The following ANKRD30A variants were observed in gnomAD, a reference collection of about 807,000 sequenced individuals.
The protein encoded by ANKRD30A is ankyrin repeat domain-containing protein 30A.
Under a neutral mutation model 166.3 loss-of-function variants are expected in ANKRD30A, and 170 were observed. The ratio of observed to expected loss-of-function variants is 1.02; its 90% confidence interval spans 0.90 to 1.16. The LOEUF is 1.16. Among genes scored for constraint, ANKRD30A ranks in the 50% most tolerant of loss-of-function variants. The probability of loss-of-function intolerance (pLI) is 0.00; values close to 1 mark genes in which losing one functional copy is unlikely to be tolerated. For missense variants in ANKRD30A, 1,630 were observed against 1,518.0 expected (o/e 1.07, Z -1.23); for synonymous variants, 564 against 508.9 (o/e 1.11, Z -1.46).
At chr10:37,246,714 A>G in the ANKRD30A span, among the ~76,000 whole-genome samples, 1 of 152,182 alleles carries the variant, frequency 6.6e-6, no homozygotes, top group African/African-American at 2.4e-5. Flanking sequence ...AGTGGAAGAT[A>G]TAGAGGCATT....
intron 34 of ANKRD30A, among the ~76,000 whole-genome samples, chr10:37,229,274 G>A (rs1373102205): frequency 6.6e-6 from 1 of 151,860 alleles, no homozygotes; most frequent in Non-Finnish European, 1.5e-5. Flanking sequence ...AGTGAGGATG[G>A]TCAGGCCACA....
chr10:37,225,484 G>A (rs1227952629), intron 34 of ANKRD30A, among the ~76,000 whole-genome samples: 1 of 151,872 alleles, frequency 6.6e-6, no homozygotes, highest in African/African-American at 2.4e-5. Context: ...TTTAAAACCA[G>A]TCTACTTGAA....
intron 21 of ANKRD30A, among the ~76,000 whole-genome samples, chr10:37,171,801 T>C (rs1205181127): frequency 1.3e-5 from 2 of 150,246 alleles, no homozygotes; most frequent in Non-Finnish European, 3.0e-5. Context: ...CTGTGCTCTC[T>C]TTTTCCCTAG....
chr10:37,259,609 A>G, the ANKRD30A span, among the ~76,000 whole-genome samples: 1 of 152,254 alleles, frequency 6.6e-6, no homozygotes, highest in South Asian at 2.1e-4. Context: ...TCAATGGTAG[A>G]ATGGATGACT....
chr10:37,191,995 G>T lies in ANKRD30A; in HGVS notation c.2513-1069G>T, dbSNP rs538825846. Among the ~76,000 whole-genome samples, 70 of 152,086 alleles carry T rather than the reference G, an allele frequency of 4.6e-4. 1 individual carries two copies. The highest frequency in any genetic ancestry group is 1.6e-3 in the African/African-American group (66 of 41,466). On this transcript the variant is annotated intron_variant, in intron 25 of 35. Coordinates refer to ENST00000361713, the MANE Select transcript of ANKRD30A (RefSeq NM_052997.3). ...TATGCAGGTGAATGATATATAAAAA[G>T]CCTCTGGAAGTTTACTTCTAGTTTT...
chr10:37,157,308 T>C (rs1236409937), intron 13 of ANKRD30A, among the ~76,000 whole-genome samples: 2 of 152,238 alleles, frequency 1.3e-5, no homozygotes, highest in African/African-American at 2.4e-5. Flanking sequence ...AGCATTATTG[T>C]AACATTGAAA....
rs1366777838 is a variant in ANKRD30A, at chr10:37,220,029, A to ATATATATATATG, written c.4185+132_4185+133insTATATATATATG. ...TATATATATATATATATATATATAT[A>ATATATATATATG]ATATATGTATGTATAAATAGATGAT... On this transcript the variant is annotated intron_variant, in intron 34 of 35. Coordinates refer to ENST00000361713, the MANE Select transcript of ANKRD30A (RefSeq NM_052997.3). The ATATATATATATG allele has an allele frequency of 4.7e-3, 702 of 148,352 alleles. 20 individuals carry two copies. The highest frequency in any genetic ancestry group is 6.9e-3 in the Non-Finnish European group (560 of 81,056). 9.2% of individuals were successfully genotyped at this position (148,352 alleles called of 1,614,324 possible). A position where few individuals can be genotyped will look rare whatever the true frequency, so the allele number is the denominator to read the frequency against.
rs1837169670 is a variant in ANKRD30A, at chr10:37,141,996, G to T, written c.1099G>T (p.Glu367Ter). The T allele has an allele frequency of 1.2e-6, 2 of 1,614,114 alleles. No individual in the cohort carries two copies. The highest frequency in any genetic ancestry group is 4.5e-5 in the East Asian group (2 of 44,886). Residue 367 changes from glutamate to a stop codon, truncating the protein, a stop_gained, in exon 7 of 36, where the codon GAA (glutamate) becomes TAA (stop). Coordinates refer to ENST00000361713, the MANE Select transcript of ANKRD30A (RefSeq NM_052997.3). LOFTEE classifies it high-confidence loss of function. Reference sequence around the variant, plus strand: ...TAGGGAAATTACGAGTCCTGCAAAAGAAACATCTGAGAAATTTACGTGGCC... The same window carrying T: ...TAGGGAAATTACGAGTCCTGCAAAATAAACATCTGAGAAATTTACGTGGCC... ...TPREITSPAK[E>*]TSEKFTWPAK...
chr10:37,221,302 C>T (rs1205014247), intron 34 of ANKRD30A, among the ~76,000 whole-genome samples: 1 of 151,058 alleles, frequency 6.6e-6, no homozygotes. Flanking sequence ...TTTACAAAAT[C>T]AATAACAAAC....
At position 37,191,199 on chromosome 10, in the gene ANKRD30A, G is replaced by T. The variant is rs1840541460; in HGVS notation, c.2512+1642G>T. On this transcript the variant is annotated intron_variant, in intron 25 of 35. Coordinates refer to ENST00000361713, the MANE Select transcript of ANKRD30A (RefSeq NM_052997.3). ...ATTTGTACATCTTCCTCCATGAGTGGATTAAGAGATATTGAGATGAGTAAG... is the reference window on the plus strand; with the variant it reads ...ATTTGTACATCTTCCTCCATGAGTGTATTAAGAGATATTGAGATGAGTAAG... 2.6e-5 allele frequency among the ~76,000 whole-genome samples: 4 copies of T among 151,962 alleles called. 1 individual carries two copies. The highest frequency in any genetic ancestry group is 5.9e-5 in the Non-Finnish European group (4 of 68,004).
At chr10:37,205,936 A>G (rs1841963589) in intron 31 of ANKRD30A, among the ~76,000 whole-genome samples, 2 of 152,194 alleles carry the variant, frequency 1.3e-5, no homozygotes, top group African/African-American at 2.4e-5. Context: ...AAGAAGAGCA[A>G]TTGGATAGAA....
chr10:37,127,297 G>C (rs1209818852), intron 1 of ANKRD30A, among the ~76,000 whole-genome samples: 1 of 151,900 alleles, frequency 6.6e-6, no homozygotes, highest in Non-Finnish European at 1.5e-5. Flanking sequence ...ATGGAATATA[G>C]ATTAAAAGTT....
chr10:37,209,422 C>A (rs779889033), intron 31 of ANKRD30A, among the ~76,000 whole-genome samples: 1 of 152,002 alleles, frequency 6.6e-6, no homozygotes, highest in Non-Finnish European at 1.5e-5. Context: ...AGAGCAGGAG[C>A]AAGAGAGAGA....
chr10:37,202,703 G>GT (rs959267849), intron 31 of ANKRD30A, among the ~76,000 whole-genome samples: 6 of 152,100 alleles, frequency 3.9e-5, no homozygotes, highest in African/African-American at 1.4e-4. Flanking sequence ...CCAGGAGCTG[G>GT]TTTTTTGAAA....
chr10:37,152,170 A>G, intron 12 of ANKRD30A, 49 bp downstream of exon 12: 1 of 1,451,170 alleles, frequency 6.9e-7, no homozygotes, highest in African/African-American at 1.4e-5. Flanking sequence ...GCATGATATG[A>G]AAACATAAAG....
chr10:37,131,498 T>A (rs1253370119), intron 3 of ANKRD30A, among the ~76,000 whole-genome samples: 2 of 152,210 alleles, frequency 1.3e-5, no homozygotes, highest in Non-Finnish European at 2.9e-5. Context: ...AAAGTTCACT[T>A]GAAGCCAATC....
intron 6 of ANKRD30A, among the ~76,000 whole-genome samples, chr10:37,137,846 C>T (rs896601086): frequency 6.6e-6 from 1 of 152,300 alleles, no homozygotes; most frequent in African/African-American, 2.4e-5. Flanking sequence ...ACTTAAATGT[C>T]CCTGTCTGAC....
intron 15 of ANKRD30A, 57 bp from the exon 16 acceptor site, chr10:37,162,592 T>C: frequency 6.3e-7 from 1 of 1,598,456 alleles, no homozygotes; most frequent in Non-Finnish European, 8.6e-7. Context: ...GGCATTCATT[T>C]GTGGTTGGCT....
At chr10:37,153,149 C>G (rs1277600600) in intron 12 of ANKRD30A, among the ~76,000 whole-genome samples, 2 of 152,124 alleles carry the variant, frequency 1.3e-5, no homozygotes, top group Non-Finnish European at 2.9e-5. Context: ...CTAAACAGTT[C>G]TGTGATCATG....
Sources: gnomAD v4.1 joint callset for allele counts (sites outside exome capture counted in the v4.1 genomes callset) on GRCh38, gnomAD v4.1.1 for gene constraint, MANE v1.5 for transcripts, NCBI Gene and HGNC (gene_info 2026-07-23, HGNC 2026-07-21) for gene names.